Variants in EYS observed in about 807,000 individuals in gnomAD.
EYS encodes EGF-like photoreceptor maintenance factor.
A neutral mutation model predicts 282.1 loss-of-function variants in EYS; 250 were observed. The ratio of observed to expected loss-of-function variants is 0.89; its 90% CI spans 0.80 to 0.98. The LOEUF is 0.98. Among genes scored for constraint, EYS ranks in the 50% least tolerant of loss-of-function variants. The pLI is 0.00. For synonymous variants in EYS, 1,355 were observed against 1,282.9 expected (o/e 1.06, Z -1.20); for missense variants, 4,016 against 3,709.0 (o/e 1.08, Z -2.15).
At chr6:63,830,518 GA>G (rs893246447) in intron 36 of EYS, among the ~76,000 whole-genome samples, 10 of 152,050 alleles carry the variant, frequency 6.6e-5, no homozygotes, top group African/African-American at 2.2e-4. Context: ...GAAGTTTAGA[GA>G]AAAAAGAGTA....
At chr6:65,080,752 G>C (rs919020368) in intron 12 of EYS, among the ~76,000 whole-genome samples, 3 of 151,962 alleles carry the variant, frequency 2.0e-5, no homozygotes, top group African/African-American at 7.2e-5. Context: ...AAAACTATTA[G>C]CTAAGTTCCT....
intron 5 of EYS, among the ~76,000 whole-genome samples, chr6:65,439,661 G>T (rs568850365): frequency 2.0e-5 from 3 of 152,102 alleles, no homozygotes; most frequent in South Asian, 4.1e-4. Flanking sequence ...TTCTGTTATT[G>T]GTGTATAAGA....
At chr6:65,006,275 T>G (rs9354202) in intron 13 of EYS, among the ~76,000 whole-genome samples, 12,765 of 151,634 alleles carry the variant, frequency 0.084, 553 homozygotes, top group East Asian at 0.13. Context: ...AAAAAAGTGT[T>G]CCCTATTCAT....
At chr6:64,614,247 G>A (rs917013732) in intron 24 of EYS, among the ~76,000 whole-genome samples, 5 of 152,048 alleles carry the variant, frequency 3.3e-5, no homozygotes, top group Admixed American at 6.6e-5. Flanking sequence ...ACGAAATTTT[G>A]ACCTCTGACA....
intron 31 of EYS, among the ~76,000 whole-genome samples, chr6:64,109,220 T>C (rs1773128213): frequency 1.3e-5 from 2 of 152,160 alleles, no homozygotes; most frequent in Non-Finnish European, 1.5e-5. Flanking sequence ...CATTATTACA[T>C]CTTTCCTCCC....
intron 13 of EYS, among the ~76,000 whole-genome samples, chr6:65,010,154 CCT>C (rs2150132712): frequency 6.6e-6 from 1 of 152,308 alleles, no homozygotes; most frequent in South Asian, 2.1e-4. Context: ...CTCTAGGAGT[CCT>C]TACACAGGTC....
chr6:64,693,292 T>C (rs1248673202), intron 22 of EYS, among the ~76,000 whole-genome samples: 3 of 151,970 alleles, frequency 2.0e-5, no homozygotes, highest in Admixed American at 6.6e-5. Flanking sequence ...TTTTTAAAAA[T>C]AGAAATTGGC....
intron 29 of EYS, among the ~76,000 whole-genome samples, chr6:64,368,028 A>T (rs1292777337): frequency 1.3e-5 from 2 of 152,088 alleles, no homozygotes; most frequent in Non-Finnish European, 2.9e-5. Context: ...TGGTGTACAG[A>T]TTATTTCATC....
chr6:64,147,321 G>T (rs1046614565), intron 31 of EYS, among the ~76,000 whole-genome samples: 2 of 152,040 alleles, frequency 1.3e-5, no homozygotes, highest in Non-Finnish European at 2.9e-5. Flanking sequence ...AATACAACAA[G>T]AAAAATAATT....
chr6:64,499,094 C>A (rs568369921), intron 26 of EYS, among the ~76,000 whole-genome samples: 1 of 152,130 alleles, frequency 6.6e-6, no homozygotes, highest in African/African-American at 2.4e-5. Flanking sequence ...TAAAAACATT[C>A]GTATTTCTCC....
intron 33 of EYS, among the ~76,000 whole-genome samples, chr6:64,006,321 T>A (rs933837508): frequency 1.3e-5 from 2 of 152,176 alleles, no homozygotes; most frequent in South Asian, 2.1e-4. Context: ...GGATTTTTTT[T>A]ATCCTGAAAC....
chr6:64,397,066 CCTTA>C (rs1773404110), intron 28 of EYS, among the ~76,000 whole-genome samples: 2 of 151,974 alleles, frequency 1.3e-5, no homozygotes, highest in South Asian at 4.1e-4. Flanking sequence ...TAGTAAATTA[CCTTA>C]CTTTGCTCAG....
chr6:65,670,160 T>C (rs1768348032), intron 1 of EYS, among the ~76,000 whole-genome samples: 2 of 152,076 alleles, frequency 1.3e-5, no homozygotes, highest in South Asian at 4.1e-4. Flanking sequence ...GCCATTTCTC[T>C]CTGTCCTCTA....
intron 33 of EYS, among the ~76,000 whole-genome samples, chr6:64,039,825 T>C (rs111335856): frequency 3.1e-4 from 47 of 152,162 alleles, no homozygotes; most frequent in African/African-American, 7.2e-4. Flanking sequence ...ATAATTTCCC[T>C]TTTCTTTTAT....
chr6:63,892,911 G>T (rs992664684), intron 35 of EYS, among the ~76,000 whole-genome samples: 8 of 152,246 alleles, frequency 5.3e-5, no homozygotes, highest in African/African-American at 1.9e-4. Context: ...CCATCCAAAA[G>T]TAGGCAAAGG....
rs572276489 is a variant in EYS, at chr6:64,541,897, C to T, written c.5644+48326G>A. Among the ~76,000 whole-genome samples, 19 of 152,174 alleles carry T rather than the reference C, an allele frequency of 1.2e-4. 1 individual carries two copies. The highest frequency in any genetic ancestry group is 9.2e-4 in the Admixed American group (14 of 15,294). Reference sequence around the variant, plus strand: ...AGAACTATCTTGCTTTCATTTTATACGGTCAGAAACAAGATATTAAATAAG... The same window carrying T: ...AGAACTATCTTGCTTTCATTTTATATGGTCAGAAACAAGATATTAAATAAG... On this transcript the variant is annotated intron_variant, in intron 26 of 42. Transcript: ENST00000503581.
At chr6:64,569,523 C>T (rs1284399423) in intron 26 of EYS, among the ~76,000 whole-genome samples, 3 of 151,890 alleles carry the variant, frequency 2.0e-5, no homozygotes, top group African/African-American at 7.3e-5. Flanking sequence ...GGGGGGGTCA[C>T]GAGGTCAGGA....
At chr6:64,206,168 A>C (rs1765603319) in intron 31 of EYS, among the ~76,000 whole-genome samples, 1 of 152,166 alleles carries the variant, frequency 6.6e-6, no homozygotes, top group Non-Finnish European at 1.5e-5. Context: ...TTATAAAAAT[A>C]AGTTTATTCT....
chr6:64,202,937 A>G (rs1429673071), intron 31 of EYS, among the ~76,000 whole-genome samples: 1 of 152,182 alleles, frequency 6.6e-6, no homozygotes, highest in African/African-American at 2.4e-5. Flanking sequence ...TCAAGTTCAG[A>G]CTTCTAGTCT....
Sources: gnomAD v4.1 joint callset for allele counts (sites outside exome capture counted in the v4.1 genomes callset) on GRCh38, gnomAD v4.1.1 for gene constraint, MANE v1.5 for transcripts, NCBI Gene and HGNC (gene_info 2026-07-23, HGNC 2026-07-21) for gene names.